Variants in SHPK observed in about 807,000 individuals in gnomAD.
SHPK encodes the protein sedoheptulokinase, also known as carbohydrate kinase-like protein.
Under a neutral mutation model 46.3 loss-of-function variants are expected in SHPK, and 51 were observed. The observed-to-expected ratio is 1.10, with a 90% CI of 0.88 to 1.39. SHPK has a LOEUF of 1.39. Among genes scored for constraint, SHPK ranks in the 40% most tolerant of loss-of-function variants. The probability of loss-of-function intolerance (pLI) is 0.00; values close to 1 mark genes in which losing one functional copy is unlikely to be tolerated. For synonymous variants in SHPK, 290 were observed against 273.9 expected, an observed-to-expected ratio of 1.06 and a Z score of -0.58; for missense variants, 668 against 641.3, an observed-to-expected ratio of 1.04 and a Z score of -0.45.
intron 6 of SHPK, 70 bp downstream of exon 6, chr17:3,615,267 T>A: frequency 4.7e-6 from 7 of 1,500,478 alleles, no homozygotes; most frequent in Non-Finnish European, 6.5e-6. Context: ...TGAAGCTCCG[T>A]GAAGCTCCGA....
chr17:3,625,173 T>C (rs1371811468), intron 2 of SHPK, among the ~76,000 whole-genome samples: 1 of 152,152 alleles, frequency 6.6e-6, no homozygotes, highest in Non-Finnish European at 1.5e-5. Flanking sequence ...GTTTGATTAG[T>C]TATAATAGTC....
At chr17:3,627,803 G>T (rs553770079) in intron 2 of SHPK, among the ~76,000 whole-genome samples, 2 of 151,316 alleles carry the variant, frequency 1.3e-5, no homozygotes, top group Admixed American at 6.6e-5. Context: ...CTTTGGGAAG[G>T]GTTTTAGTAT....
chr17:3,633,386 G>A (rs2075485108), intron 1 of SHPK, among the ~76,000 whole-genome samples: 1 of 151,116 alleles, frequency 6.6e-6, no homozygotes. Flanking sequence ...GGGGAAGAGG[G>A]GCAAGCGTGG....
Position 3,611,532 on chromosome 17 carries a change from G to A in SHPK, c.1025-560C>T, listed in dbSNP as rs146252232. Among the ~76,000 whole-genome samples the A allele has an allele frequency of 5.3e-5, 8 of 152,290 alleles. No homozygotes were observed. The East Asian group carries it at 1.4e-3, about 26-fold the overall frequency. ...TGCAGTGAGCGGAGCTTGCACCACT[G>A]CACTCCAGCCTGGGCAACAAGAGCA... On this transcript the variant is annotated intron_variant, in intron 6 of 6. Transcript: ENST00000225519.
At chr17:3,635,556 C>A (rs2075514824) in intron 1 of SHPK, among the ~76,000 whole-genome samples, 2 of 152,188 alleles carry the variant, frequency 1.3e-5, no homozygotes, top group South Asian at 2.1e-4. Flanking sequence ...TCTTGGTCCG[C>A]ATTCTGCTTC....
rs2075366323 is a variant in SHPK, at chr17:3,615,410, C to G, written c.951G>C (p.Val317=). ...CATTGCCCCCGTTGAGTGACGCGGC[C>G]ACCCCCAGGTAGGTCCTGTTGAAGT... The part of the protein sequence containing the change: ...FPYFNRTYLG[V]AASLNGGNVL... Residue 317 remains valine (V), a synonymous_variant, in exon 6 of 7, where the codon GTG becomes GTC. Transcript: ENST00000225519. The G allele has an allele frequency of 1.2e-6, 2 of 1,614,080 alleles. No homozygotes were observed. The highest frequency in any genetic ancestry group is 2.2e-5 in the South Asian group (2 of 91,090).
At position 3,610,316 on chromosome 17, in the gene SHPK, T is replaced by C. The variant is rs2075328512; in HGVS notation, c.*244A>G. 2.0e-6 allele frequency: 1 copy of C among 495,876 alleles called. No homozygotes were observed. Among genetic ancestry groups the C allele is most frequent in the Non-Finnish European group, 3.7e-6 (1 of 273,002 alleles). 30.7% of individuals were successfully genotyped at this position (495,876 alleles called of 1,614,324 possible). Reference sequence around the variant, plus strand: ...ATGCTCTCTCTCTCCCACATGGACATTTGTAAATAGCTCCCAGGTGGGTCA... The same window carrying C: ...ATGCTCTCTCTCTCCCACATGGACACTTGTAAATAGCTCCCAGGTGGGTCA... On this transcript the variant is annotated 3_prime_UTR_variant, in exon 7 of 7. Transcript: ENST00000225519.
rs569406290 is a variant in SHPK at position 3,622,566 on chromosome 17, T to C, written c.647+773A>G. The stretch of plus-strand genomic sequence containing the variant: ...TACCTGAACTACCAGGTGCTTTTTG[T>C]TTTATTTCAGAGCTCAGAATTTGGG... On this transcript the variant is annotated intron_variant, in intron 4 of 6. Coordinates refer to ENST00000225519, the MANE Select transcript of SHPK (RefSeq NM_013276.4). 1.5e-5 allele frequency: 15 copies of C among 985,012 alleles called. No homozygotes were observed. The South Asian group carries it at 5.2e-4, about 34-fold the overall frequency. 61.0% of individuals were successfully genotyped at this position (985,012 alleles called of 1,614,324 possible). A position where few individuals can be genotyped will look rare whatever the true frequency, so the allele number is the denominator to read the frequency against.
chr17:3,634,992 C>T (rs917309610), intron 1 of SHPK, among the ~76,000 whole-genome samples: 5 of 151,576 alleles, frequency 3.3e-5, no homozygotes, highest in South Asian at 2.1e-4. Context: ...GCGAACATGG[C>T]GAAACCCTGT....
chr17:3,615,364 T>G lies in SHPK; in HGVS notation c.997A>C (p.Met333Leu), dbSNP rs1291137091. The change falls in exon 6 of 7, where the codon ATG becomes CTG. Residue 333 changes from methionine (M) to leucine (L), a missense_variant. Coordinates refer to ENST00000225519, the MANE Select transcript of SHPK (RefSeq NM_013276.4). ...AGATCTGCCATCCACTGAACCAGCA[T>G]GTGGACGAACGTGGCCAGCACATTG... is the stretch of plus-strand genomic sequence containing the variant. ...GGNVLATFVH[M>L]LVQWMADLGL... The G allele has an allele frequency of 1.2e-6, 2 of 1,614,190 alleles. No individual in the cohort carries two copies. Among genetic ancestry groups the G allele is most frequent in the Non-Finnish European group, 1.7e-6 (2 of 1,180,024 alleles).
chr17:3,629,116 C>T lies in SHPK; in HGVS notation c.310+1089G>A, dbSNP rs377198267. 7.2e-5 allele frequency among the ~76,000 whole-genome samples: 11 copies of T among 152,228 alleles called. No individual in the cohort carries two copies. The East Asian group carries it at 1.7e-3, about 24-fold the overall frequency. On this transcript the variant is annotated intron_variant, in intron 2 of 6. Coordinates refer to ENST00000225519, the MANE Select transcript of SHPK (RefSeq NM_013276.4). Reference sequence around the variant, plus strand: ...CCCTGCCAGGCCTTTAAAAGCTCCTCGGACAGACTTGGATTCAAAAGTGGG... The same window carrying T: ...CCCTGCCAGGCCTTTAAAAGCTCCTTGGACAGACTTGGATTCAAAAGTGGG...
intron 6 of SHPK, among the ~76,000 whole-genome samples, chr17:3,612,857 T>C (rs1018349536): frequency 1.3e-5 from 2 of 151,784 alleles, no homozygotes; most frequent in African/African-American, 4.8e-5. Context: ...GTTCAAGCAA[T>C]TCTTCTGCCT....
rs367958023 is a variant in SHPK, at chr17:3,609,038, T to G, written c.*1522A>C. On this transcript the variant is annotated 3_prime_UTR_variant, in exon 7 of 7. Transcript: ENST00000225519. ...TCCTGAGTAGCTGGGATTACAGGCA[T>G]GCGCCACCACGCCCGGCTTGTATTT... The G allele has an allele frequency of 6.6e-6, 1 of 152,310 alleles. No homozygotes were observed. Among genetic ancestry groups the G allele is most frequent in the Non-Finnish European group, 1.5e-5 (1 of 68,132 alleles). 9.4% of individuals were successfully genotyped at this position (152,310 alleles called of 1,614,324 possible).
At chr17:3,621,944 C>T (rs753501978) in intron 4 of SHPK, among the ~76,000 whole-genome samples, 2 of 151,574 alleles carry the variant, frequency 1.3e-5, no homozygotes, top group Admixed American at 1.3e-4. Flanking sequence ...CGACCCACCA[C>T]ACCCGGCTCC....
intron 1 of SHPK, among the ~76,000 whole-genome samples, chr17:3,632,335 G>A (rs915224130): frequency 6.6e-6 from 1 of 152,190 alleles, no homozygotes; most frequent in Non-Finnish European, 1.5e-5. Context: ...TATAATCGCA[G>A]CCACTGGGAA....
In SHPK at chr17:3,608,855, G is replaced by A. The variant is rs1382065431; in HGVS notation, c.*1705C>T. On this transcript the variant is annotated 3_prime_UTR_variant, in exon 7 of 7. Transcript: ENST00000225519. ...TGCACAGTCTTCCCACAGCAGAGAG[G>A]TGTGTTTTATTTAAGGCACAAGACT... 2 of 152,218 alleles carry A rather than the reference G, an allele frequency of 1.3e-5. No homozygotes were observed. Among genetic ancestry groups the A allele is most frequent in the African/African-American group, 4.8e-5 (2 of 41,458 alleles). 9.4% of individuals were successfully genotyped at this position (152,218 alleles called of 1,614,324 possible).
rs958471698 is a variant in SHPK, at chr17:3,621,400, C to G, written c.660G>C (p.Ser220=). ...CTGGGAGCAGGTGGACAGGAAAACC[C>G]GAGCTCCTCAGTCTGTAAAACAGAA... ...QSWNVETLRS[S]GFPVHLLPDI... is the part of the protein sequence containing the mutation. The change falls in exon 5 of 7, where the codon TCG becomes TCC. Residue 220 remains serine, a synonymous_variant. Coordinates refer to ENST00000225519, the MANE Select transcript of SHPK (RefSeq NM_013276.4). 4.3e-6 allele frequency: 7 copies of G among 1,613,788 alleles called. No individual in the cohort carries two copies. The highest frequency in any genetic ancestry group is 5.1e-6 in the Non-Finnish European group (6 of 1,179,814).
In SHPK at chr17:3,631,512, CTTTTTTTTTTTT is replaced by C. The variant is rs371958939; in HGVS notation, c.169-1178_169-1167del. On this transcript the variant is annotated intron_variant, in intron 1 of 6. Transcript: ENST00000225519. ...AAAATATACACTATCTAATTTAATG[CTTTTTTTTTTTT>C]TTTTTTTTTTTTTTTAGCGATAGAG... 2.3e-3 allele frequency among the ~76,000 whole-genome samples: 122 copies of C among 53,054 alleles called. 2 individuals carry two copies. The highest frequency in any genetic ancestry group is 9.6e-3 in the African/African-American group (109 of 11,296). 34.8% of individuals were successfully genotyped at this position (53,054 alleles called of 152,430 possible).
intron 2 of SHPK, among the ~76,000 whole-genome samples, chr17:3,625,947 G>A (rs746832014): frequency 2.6e-5 from 4 of 152,138 alleles, no homozygotes; most frequent in Admixed American, 2.6e-4. Context: ...CAGCTACTCC[G>A]GAGGCTGAGG....
Sources: allele counts gnomAD v4.1 joint callset (sites outside exome capture counted in the v4.1 genomes callset), GRCh38; gene constraint gnomAD v4.1.1; transcripts MANE v1.5; gene names NCBI Gene and HGNC (gene_info 2026-07-23, HGNC 2026-07-21).